CETP: variants seen among roughly 807,000 people sequenced by gnomAD.
CETP encodes the protein BPI fold containing family F.
CETP carries 56 observed loss-of-function variants against 66.5 expected under a neutral mutation model. That is an observed-to-expected ratio of 0.84 (90% CI 0.68 to 1.05). CETP has a LOEUF of 1.05. Among genes scored for constraint, CETP ranks in the 50% least tolerant of loss-of-function variants. The pLI is 0.00. For synonymous variants in CETP, 251 were observed against 245.7 expected (o/e 1.02, Z -0.20); for missense variants, 612 against 609.6 (o/e 1.00, Z -0.04).
intron 2 of CETP, 66 bp downstream of exon 2, chr16:56,963,190 C>A: frequency 2.3e-6 from 3 of 1,320,272 alleles, no homozygotes; most frequent in Admixed American, 1.8e-5. Context: ...CTGGGGCTTG[C>A]CCCCAGCCCA....
At position 56,981,658 on chromosome 16, in the gene CETP, A is replaced by T. The variant is rs1172589119; in HGVS notation, c.1226A>T (p.Lys409Met). The T allele has an allele frequency of 3.7e-6, 6 of 1,613,878 alleles. No homozygotes were observed. Among genetic ancestry groups the T allele is most frequent in the East Asian group, 2.2e-5 (1 of 44,900 alleles). Residue 409 changes from lysine (K) to methionine (M), a missense_variant, in exon 13 of 16, where the codon AAG becomes ATG. Transcript: ENST00000200676. ...LSLLDFQITP[K>M]TVSNLTESSS... ...CTTTTTTATTTCAGGATTACACCAA[A>T]GACTGTTTCCAACTTGACTGAGGTA...
intron 12 of CETP, 57 bp from the exon 13 acceptor site, chr16:56,981,590 G>T: frequency 6.3e-7 from 1 of 1,578,272 alleles, no homozygotes. Context: ...TTTCCCAGGG[G>T]ATGTTACAGG....
chr16:56,974,748 G>A (rs1019116528), intron 9 of CETP, among the ~76,000 whole-genome samples: 2 of 152,330 alleles, frequency 1.3e-5, no homozygotes, highest in Middle Eastern at 6.8e-3. Flanking sequence ...TGTAAGAGGT[G>A]GCCCCAAAGC....
chr16:56,970,029 TC>T, intron 5 of CETP, 28 bp downstream of exon 5: 1 of 1,599,990 alleles, frequency 6.3e-7, no homozygotes, highest in Non-Finnish European at 8.5e-7. Context: ...TGGCCCCCAT[TC>T]CTGCTCGTGC....
intron 9 of CETP, 105 bp downstream of exon 9, chr16:56,973,615 G>C: frequency 7.6e-7 from 1 of 1,323,232 alleles, no homozygotes; most frequent in Non-Finnish European, 1.1e-6. Context: ...CTTGGTGGTG[G>C]GCAAAAGAAC....
chr16:56,980,231 G>A (rs144906670), intron 11 of CETP, among the ~76,000 whole-genome samples: 8 of 152,206 alleles, frequency 5.3e-5, no homozygotes, highest in East Asian at 1.9e-4. Flanking sequence ...GTATTTAGCC[G>A]TTCTTTTTTG....
chr16:56,976,420 A>G (rs112409939), intron 10 of CETP, among the ~76,000 whole-genome samples: 2,795 of 151,538 alleles, frequency 0.018, 86 homozygotes, highest in African/African-American at 0.065. Flanking sequence ...GTAACTGTTT[A>G]GTTGAAAGTT....
chr16:56,980,263 G>T (rs184812286), intron 11 of CETP, among the ~76,000 whole-genome samples: 128 of 152,124 alleles, frequency 8.4e-4, no homozygotes, highest in Non-Finnish European at 1.5e-3. Context: ...TTGTTTGTTT[G>T]TCTGTTTGTT....
intron 11 of CETP, among the ~76,000 whole-genome samples, chr16:56,979,623 G>A (rs895762563): frequency 1.3e-5 from 2 of 151,908 alleles, no homozygotes; most frequent in Non-Finnish European, 2.9e-5. Context: ...CGATTCGCGT[G>A]CCTCAGCCTC....
chr16:56,962,263 C>G (rs1312517465), intron 1 of CETP, 166 bp downstream of exon 1: 13 of 746,354 alleles, frequency 1.7e-5, no homozygotes, highest in Non-Finnish European at 2.9e-5. Context: ...GTCATCACCC[C>G]CTCCTGACCT....
intron 2 of CETP, among the ~76,000 whole-genome samples, chr16:56,967,977 TAA>T (rs11347120): frequency 1.4e-3 from 199 of 146,896 alleles, no homozygotes; most frequent in Middle Eastern, 3.5e-3. Context: ...AAGAACAAAC[TAA>T]AAAAAAAAAA....
Position 56,983,725 on chromosome 16 carries a change from C to A in CETP, c.*59C>A, listed in dbSNP as rs2056205290. The A allele has an allele frequency of 6.6e-7, 1 of 1,503,888 alleles. No homozygotes were observed. 93.2% of individuals were successfully genotyped at this position (1,503,888 alleles called of 1,614,324 possible). On this transcript the variant is annotated 3_prime_UTR_variant, in exon 16 of 16. Transcript: ENST00000200676. Reference sequence around the variant, plus strand: ...CAGAAGGCAAGCACCAGGCTCACAGCTGGAACCCTGGTGTCTCCTCCAGCG... The same window carrying A: ...CAGAAGGCAAGCACCAGGCTCACAGATGGAACCCTGGTGTCTCCTCCAGCG...
At chr16:56,963,476 GT>G (rs1382039027) in intron 2 of CETP, among the ~76,000 whole-genome samples, 8 of 152,072 alleles carry the variant, frequency 5.3e-5, no homozygotes, top group African/African-American at 1.9e-4. Context: ...TATAAATGTT[GT>G]TTTCTTATAG....
intron 2 of CETP, among the ~76,000 whole-genome samples, chr16:56,964,498 AC>A (rs1333523412): frequency 6.6e-6 from 1 of 152,100 alleles, no homozygotes; most frequent in Non-Finnish European, 1.5e-5. Context: ...CCTTCATGGC[AC>A]CTCAGGCTGC....
chr16:56,969,306 G>A (rs577562588), intron 2 of CETP, 80 bp from the exon 3 acceptor site: 9 of 1,589,766 alleles, frequency 5.7e-6, no homozygotes, highest in African/African-American at 4.0e-5. Flanking sequence ...TTCCACCCTC[G>A]CCTAGACAAA....
chr16:56,970,109 A>C lies in CETP; in HGVS notation c.527+108A>C, dbSNP rs1188267409. 2.1e-5 allele frequency: 21 copies of C among 1,011,706 alleles called. No individual in the cohort carries two copies. The African/African-American group carries it at 3.2e-4, about 15-fold the overall frequency. 62.7% of individuals were successfully genotyped at this position (1,011,706 alleles called of 1,614,324 possible). ...ACACAGGGCATGCTTGTGGGTGGCC[A>C]AACCTGAGGGCAGCAATACCTTCAG... is the stretch of plus-strand genomic sequence containing the variant. On this transcript the variant is annotated intron_variant, in intron 5 of 15. Coordinates refer to ENST00000200676, the MANE Select transcript of CETP (RefSeq NM_000078.3).
chr16:56,983,565 C>T (rs1369465431), intron 15 of CETP, 27 bp from the exon 16 acceptor site: 1 of 1,613,738 alleles, frequency 6.2e-7, no homozygotes, highest in Non-Finnish European at 8.5e-7. Context: ...CCAGCTCGCC[C>T]CTCTCTCCTA....
chr16:56,964,238 GTTGGTC>G (rs1262684697), intron 2 of CETP, among the ~76,000 whole-genome samples: 9 of 151,140 alleles, frequency 6.0e-5, no homozygotes, highest in African/African-American at 2.2e-4. Context: ...TGTTGACCTG[GTTGGTC>G]TTAAACTCCT....
At chr16:56,979,054 T>C (rs1298651089) in intron 11 of CETP, among the ~76,000 whole-genome samples, 1 of 152,108 alleles carries the variant, frequency 6.6e-6, no homozygotes, top group Non-Finnish European at 1.5e-5. Context: ...CTGAGACTCC[T>C]GGTTTCAAGT....
Sources: allele counts gnomAD v4.1 joint callset (sites outside exome capture counted in the v4.1 genomes callset), GRCh38; gene constraint gnomAD v4.1.1; transcripts MANE v1.5; gene names NCBI Gene and HGNC (gene_info 2026-07-23, HGNC 2026-07-21).